Variants in TMIGD2 observed in about 807,000 individuals in gnomAD.
TMIGD2 encodes the protein transmembrane and immunoglobulin domain-containing protein 2.
Under a neutral mutation model 22.6 loss-of-function variants are expected in TMIGD2, and 18 were observed. The ratio of observed to expected loss-of-function variants is 0.80; its 90% CI spans 0.55 to 1.18. The LOEUF is 1.18. Ranked by LOEUF, TMIGD2 falls within the 50% of genes most tolerant of loss-of-function variation. TMIGD2 has a pLI of 0.00. For missense variants in TMIGD2, 361 were observed against 378.2 expected (o/e 0.95, Z 0.38); for synonymous variants, 184 against 154.1 (o/e 1.19, Z -1.44).
rs1422909906 is a variant in TMIGD2, at chr19:4,292,593, G to A, written c.*6C>T. 3 of 1,612,692 alleles carry A rather than the reference G, an allele frequency of 1.9e-6. No homozygotes were observed. In the African/African-American group the frequency reaches 4.0e-5, roughly 22 times the overall value. ...GTGGGGTCCTGTTGAGGTCTCCTGGGATCTCTCACTCCTCTCCCACTTTGG... is the reference window on the plus strand; with the variant it reads ...GTGGGGTCCTGTTGAGGTCTCCTGGAATCTCTCACTCCTCTCCCACTTTGG... On this transcript the variant is annotated 3_prime_UTR_variant, in exon 5 of 5. Transcript: ENST00000301272.
At chr19:4,293,498 G>C (rs1199895972) in intron 4 of TMIGD2, among the ~76,000 whole-genome samples, 24 of 151,106 alleles carry the variant, frequency 1.6e-4, no homozygotes, top group Admixed American at 1.6e-3. Flanking sequence ...CTGGCCTCGT[G>C]ATTCGCCCGC....
At chr19:4,298,312 T>G in exon 2 of TMIGD2, 3 of 1,597,236 alleles carry the variant, frequency 1.9e-6, no homozygotes, top group Non-Finnish European at 1.7e-6. Context: ...GTTGGGCCCC[T>G]GCTGCACGCT....
In TMIGD2 at chr19:4,298,082, G is replaced by A. The variant is rs755961501; in HGVS notation, c.310C>T (p.Leu104Phe). 1.9e-6 allele frequency: 3 copies of A among 1,613,718 alleles called. 1 individual carries two copies. The South Asian group carries it at 3.3e-5, about 18-fold the overall frequency. The stretch of plus-strand genomic sequence containing the variant: ...CACACGTACGCCCCGCTGTGGTTGA[G>A]GCTCACAGGGTCCAGCTGCAGGGTG... Residue 104 changes from leucine to phenylalanine, a missense_variant, in exon 2 of 5, where the codon CTC becomes TTC. Leu to Phe is a conservative substitution (Grantham distance 22, BLOSUM62 0). Coordinates refer to ENST00000301272, the Ensembl canonical transcript of TMIGD2.
At chr19:4,294,117 G>C (rs902817215) in intron 4 of TMIGD2, among the ~76,000 whole-genome samples, 1 of 149,226 alleles carries the variant, frequency 6.7e-6, no homozygotes, top group African/African-American at 2.5e-5. Context: ...ACCCAGGCTA[G>C]AGTTCAGTGG....
At chr19:4,294,360 T>C (rs1431718528) in intron 4 of TMIGD2, among the ~76,000 whole-genome samples, 1 of 152,202 alleles carries the variant, frequency 6.6e-6, no homozygotes, top group Non-Finnish European at 1.5e-5. Context: ...CAGCAATTTG[T>C]AATTTTTTTG....
chr19:4,301,461 G>T (rs920477099), intron 1 of TMIGD2, among the ~76,000 whole-genome samples: 5 of 152,186 alleles, frequency 3.3e-5, no homozygotes, highest in Admixed American at 3.3e-4. Context: ...GAGGTCAGGA[G>T]TTCGAGACCC....
chr19:4,298,272 C>G, exon 2 of TMIGD2: 3 of 1,610,616 alleles, frequency 1.9e-6, no homozygotes, highest in Non-Finnish European at 2.5e-6. Flanking sequence ...AGACCAGGGT[C>G]GCCTGACTGC....
rs187059705 is a variant in TMIGD2, at chr19:4,299,441, C to A, written c.47-1096G>T. Among the ~76,000 whole-genome samples, 426 of 151,888 alleles carry A rather than the reference C, an allele frequency of 2.8e-3. 2 individuals are homozygous for A. The highest frequency in any genetic ancestry group is 7.2e-3 in the African/African-American group (298 of 41,436). ...GGATTGTAGATGTGAGCCACTGTGA[C>A]CGGCCTTTTTTTTTTTCTTAAGACC... On this transcript the variant is annotated intron_variant, in intron 1 of 4. Coordinates refer to ENST00000301272, the Ensembl canonical transcript of TMIGD2.
intron 2 of TMIGD2, among the ~76,000 whole-genome samples, chr19:4,296,663 G>A (rs149317328): frequency 3.9e-4 from 60 of 152,264 alleles, no homozygotes; most frequent in Non-Finnish European, 6.9e-4. Flanking sequence ...GGGGTGGGAA[G>A]AGGTGGGTAA....
chr19:4,297,054 C>G (rs1444108351), intron 2 of TMIGD2, among the ~76,000 whole-genome samples: 2 of 149,536 alleles, frequency 1.3e-5, no homozygotes, highest in Non-Finnish European at 3.0e-5. Flanking sequence ...AGGGTTTCTT[C>G]CAACTTTGAG....
At chr19:4,298,434 G>T (rs1362447551) in intron 1 of TMIGD2, 89 bp from the exon 2 acceptor site, 10 of 1,461,398 alleles carry the variant, frequency 6.8e-6, no homozygotes, top group Admixed American at 5.1e-5. Flanking sequence ...CGCAGTCTGG[G>T]TTTGAAACCT....
At chr19:4,294,496 G>T in intron 4 of TMIGD2, 83 bp downstream of exon 4, 1 of 1,319,222 alleles carries the variant, frequency 7.6e-7, no homozygotes, top group Non-Finnish European at 1.1e-6. Context: ...TCCCCCAGGC[G>T]GGAGCACAGA....
chr19:4,294,424 G>A, intron 4 of TMIGD2, 155 bp downstream of exon 4: 2 of 710,050 alleles, frequency 2.8e-6, no homozygotes, highest in Non-Finnish European at 4.8e-6. Flanking sequence ...CTCTATTTCT[G>A]AAAAACATGA....
intron 2 of TMIGD2, among the ~76,000 whole-genome samples, chr19:4,295,336 G>A (rs559723186): frequency 6.9e-4 from 103 of 150,228 alleles, no homozygotes; most frequent in African/African-American, 1.8e-3. Context: ...CGAGGTAGGC[G>A]GATCACAAGG....
At chr19:4,292,275 A>G (rs1001383505) in exon 5 of TMIGD2, 1 of 328,930 alleles carries the variant, frequency 3.0e-6, no homozygotes, top group African/African-American at 2.3e-5. Context: ...GGAAAGTGGG[A>G]GCGAGATCCA....
At chr19:4,297,753 G>A (rs373082788) in intron 2 of TMIGD2, among the ~76,000 whole-genome samples, 1 of 151,974 alleles carries the variant, frequency 6.6e-6, no homozygotes, top group East Asian at 1.9e-4. Context: ...TACTTGGGAG[G>A]CTGAGGCGGG....
At chr19:4,297,830 C>T (rs913222966) in intron 2 of TMIGD2, among the ~76,000 whole-genome samples, 156 bp downstream of exon 2, 1 of 150,602 alleles carries the variant, frequency 6.6e-6, no homozygotes, top group Non-Finnish European at 1.5e-5. Flanking sequence ...ACTCCAAGGC[C>T]TGGACGACAG....
chr19:4,296,195 A>G (rs1971459787), intron 2 of TMIGD2, among the ~76,000 whole-genome samples: 1 of 152,184 alleles, frequency 6.6e-6, no homozygotes, highest in South Asian at 2.1e-4. Context: ...CTGGGATATC[A>G]GGCGTGAGCC....
At chr19:4,294,014 A>C (rs138179444) in intron 4 of TMIGD2, among the ~76,000 whole-genome samples, 6,238 of 151,898 alleles carry the variant, frequency 0.041, 416 homozygotes, top group African/African-American at 0.14. Flanking sequence ...CACCCGCCTC[A>C]GCCTCCCAAA....
Sources: allele counts gnomAD v4.1 joint callset (sites outside exome capture counted in the v4.1 genomes callset), GRCh38; gene constraint gnomAD v4.1.1; transcripts MANE v1.5; gene names NCBI Gene and HGNC (gene_info 2026-07-23, HGNC 2026-07-21).